CUL4A: variants seen among roughly 807,000 people sequenced by gnomAD.
The protein encoded by CUL4A is cullin-4A.
Under a neutral mutation model 95.5 loss-of-function variants are expected in CUL4A, and 16 were observed. The observed-to-expected ratio is 0.17, with a 90% CI of 0.11 to 0.25. The LOEUF (loss-of-function observed/expected upper bound fraction) is 0.25, where lower values mean the gene tolerates loss of function less well. CUL4A is among the 10% of genes least tolerant of loss of function. The probability of loss-of-function intolerance (pLI) is 1.00; values close to 1 mark genes in which losing one functional copy is unlikely to be tolerated. For missense variants in CUL4A, 610 were observed against 937.0 expected (o/e 0.65, Z 4.56); for synonymous variants, 380 against 353.1 (o/e 1.08, Z -0.85).
intron 16 of CUL4A, among the ~76,000 whole-genome samples, chr13:113,253,742 T>C (rs1198656728): frequency 1.3e-5 from 2 of 152,146 alleles, no homozygotes; most frequent in Non-Finnish European, 2.9e-5. Flanking sequence ...GATTAATGAA[T>C]GAGAATAGTG....
intron 2 of CUL4A, 33 bp from the exon 3 acceptor site, chr13:113,218,912 A>G (rs779732455): frequency 2.1e-6 from 3 of 1,450,236 alleles, no homozygotes; most frequent in South Asian, 1.2e-5. Flanking sequence ...TGTTGTTCAT[A>G]CTGAAGAATT....
intron 15 of CUL4A, among the ~76,000 whole-genome samples, chr13:113,252,693 G>T (rs770114707): frequency 4.6e-5 from 7 of 152,198 alleles, no homozygotes; most frequent in Non-Finnish European, 1.0e-4. Context: ...CAGGAGCCCC[G>T]CTCATTGCCG....
intron 2 of CUL4A, among the ~76,000 whole-genome samples, chr13:113,214,812 C>T (rs1226617099): frequency 1.3e-5 from 2 of 152,078 alleles, no homozygotes; most frequent in East Asian, 1.9e-4. Flanking sequence ...GCAGGCCCAG[C>T]GTAGGAATGG....
intron 2 of CUL4A, among the ~76,000 whole-genome samples, chr13:113,215,412 C>T (rs190591068): frequency 3.3e-5 from 5 of 150,536 alleles, no homozygotes; most frequent in Admixed American, 1.3e-4. Flanking sequence ...ATGGAGGTCA[C>T]GTCCCATGTG....
rs2042350835 is a variant in CUL4A at position 113,263,814 on chromosome 13, T to C, written c.*232T>C. On this transcript the variant is annotated 3_prime_UTR_variant, in exon 20 of 20. Transcript: ENST00000375440. ...CTTTTAGGCATTTAAATTGTTTCTGTTACTCTGTGCAAAATAACTTTGAGA... is the reference window on the plus strand; with the variant it reads ...CTTTTAGGCATTTAAATTGTTTCTGCTACTCTGTGCAAAATAACTTTGAGA... 4 of 379,014 alleles carry C rather than the reference T, an allele frequency of 1.1e-5. No homozygotes were observed. Among genetic ancestry groups the C allele is most frequent in the Non-Finnish European group, 1.9e-5 (4 of 214,356 alleles). 23.5% of individuals were successfully genotyped at this position (379,014 alleles called of 1,614,324 possible).
chr13:113,230,949 T>G (rs934517004), intron 5 of CUL4A, among the ~76,000 whole-genome samples: 3 of 152,082 alleles, frequency 2.0e-5, no homozygotes, highest in African/African-American at 7.2e-5. Flanking sequence ...TTCTAAAAAT[T>G]TTTTGTAGTG....
Position 113,236,727 on chromosome 13 carries a change from C to T in CUL4A, c.849-96C>T, listed in dbSNP as rs1014621087. 5.3e-6 allele frequency: 4 copies of T among 758,426 alleles called. No individual in the cohort carries two copies. The African/African-American group carries it at 7.1e-5, about 13-fold the overall frequency. 47.0% of individuals were successfully genotyped at this position (758,426 alleles called of 1,614,324 possible). Reference sequence around the variant, plus strand: ...CCTTCCGTTTCTGATTGCCTCTAGACTGCATCTGTCATAGACAAATGCCCC... The same window carrying T: ...CCTTCCGTTTCTGATTGCCTCTAGATTGCATCTGTCATAGACAAATGCCCC... On this transcript the variant is annotated intron_variant, in intron 8 of 19. Transcript: ENST00000375440.
intron 16 of CUL4A, among the ~76,000 whole-genome samples, chr13:113,253,483 C>T (rs1192750639): frequency 1.3e-5 from 2 of 152,258 alleles, no homozygotes; most frequent in Non-Finnish European, 2.9e-5. Flanking sequence ...ATGCATTACA[C>T]TTCTCTGCTA....
At chr13:113,208,710 C>A (rs535329317), upstream of CUL4A, 95 of 1,522,676 alleles carry the variant, frequency 6.2e-5, 3 homozygotes, top group Admixed American at 1.3e-3. Flanking sequence ...GGCCCTCGGT[C>A]CGTCTGGGTC....
At chr13:113,233,746 G>A (rs565348682) in intron 6 of CUL4A, 151 bp from the exon 7 acceptor site, 2 of 634,180 alleles carry the variant, frequency 3.2e-6, no homozygotes, top group Admixed American at 3.1e-5. Context: ...GGCCGTTTTG[G>A]GAAGGACAGT....
rs775119740 is a variant in CUL4A, at chr13:113,210,039, C to T, written c.215C>T (p.Ala72Val). 1.3e-6 allele frequency: 2 copies of T among 1,525,400 alleles called. No individual in the cohort carries two copies. The highest frequency in any genetic ancestry group is 2.4e-5 in the South Asian group (2 of 81,832). 94.5% of individuals were successfully genotyped at this position (1,525,400 alleles called of 1,614,324 possible). A position where few individuals can be genotyped will look rare whatever the true frequency, so the allele number is the denominator to read the frequency against. The stretch of plus-strand genomic sequence containing the variant: ...CGGAAGCTGCACGAGGCGGTGCGGG[C>T]CGTGCAGAGCAGCACCTCCATCAGG... Reference protein sequence around the residue: ...TWRKLHEAVRAVQSSTSIRYN... With the variant: ...TWRKLHEAVRVVQSSTSIRYN... Residue 72 changes from alanine to valine, a missense_variant, in exon 2 of 20, where the codon GCC becomes GTC. Ala to Val is a moderately conservative substitution (Grantham distance 64, BLOSUM62 0). Coordinates refer to ENST00000375440, the MANE Select transcript of CUL4A (RefSeq NM_001008895.4).
intron 8 of CUL4A, among the ~76,000 whole-genome samples, chr13:113,236,259 G>C (rs138581991): frequency 6.6e-6 from 1 of 152,204 alleles, no homozygotes. Context: ...AGGCAGGCCA[G>C]GGTGGCTCGG....
At chr13:113,253,990 A>C (rs1487626647) in intron 16 of CUL4A, among the ~76,000 whole-genome samples, 1 of 152,206 alleles carries the variant, frequency 6.6e-6, no homozygotes, top group Non-Finnish European at 1.5e-5. Context: ...TCTCTTCCTT[A>C]AGGTATTAGG....
intron 2 of CUL4A, among the ~76,000 whole-genome samples, chr13:113,211,057 A>C (rs1474722359): frequency 2.0e-5 from 3 of 152,202 alleles, no homozygotes; most frequent in Non-Finnish European, 4.4e-5. Flanking sequence ...GTCAAGATGG[A>C]ATCTTTCTTG....
At chr13:113,244,913 C>A in intron 12 of CUL4A, 36 bp from the exon 13 acceptor site, 1 of 1,313,276 alleles carries the variant, frequency 7.6e-7, no homozygotes, top group Non-Finnish European at 1.1e-6. Context: ...TATCAACTCT[C>A]TGATGTCTTG....
At chr13:113,229,343 C>A in intron 4 of CUL4A, 103 bp from the exon 5 acceptor site, 1 of 896,492 alleles carries the variant, frequency 1.1e-6, no homozygotes, top group Non-Finnish European at 1.8e-6. Context: ...GGACAGGAAA[C>A]AGCTGTTGGA....
rs766671457 is a variant in CUL4A at position 113,245,947 on chromosome 13, C to CT, written c.1531-8dup. On this transcript the variant is annotated splice_polypyrimidine_tract_variant and intron_variant, in intron 14 of 19. Coordinates refer to ENST00000375440, the MANE Select transcript of CUL4A (RefSeq NM_001008895.4). ...CTCAAAATGATTGTCTTGGATTTCT[C>CT]TGTTTTAGCATATGCAGAATCAGAG... The CT allele has an allele frequency of 4.4e-6, 7 of 1,582,198 alleles. No homozygotes were observed. The highest frequency in any genetic ancestry group is 3.4e-5 in the South Asian group (3 of 87,948).
chr13:113,260,061 G>A (rs529149636), intron 18 of CUL4A, among the ~76,000 whole-genome samples: 7 of 150,528 alleles, frequency 4.7e-5, no homozygotes, highest in Admixed American at 2.7e-4. Context: ...AAAATGAGCC[G>A]GGCATGGTGG....
At chr13:113,232,709 A>C (rs117379050) in intron 5 of CUL4A, among the ~76,000 whole-genome samples, 1 of 152,274 alleles carries the variant, frequency 6.6e-6, no homozygotes, top group East Asian at 1.9e-4. Flanking sequence ...ATTTGGTAGG[A>C]GAGCTCCCAG....
Sources: gnomAD v4.1 joint callset for allele counts (sites outside exome capture counted in the v4.1 genomes callset) on GRCh38, gnomAD v4.1.1 for gene constraint, MANE v1.5 for transcripts, NCBI Gene and HGNC (gene_info 2026-07-23, HGNC 2026-07-21) for gene names.